The following EVA1A variants were observed in gnomAD, a reference collection of about 807,000 sequenced individuals.
EVA1A encodes protein eva-1 homolog A.
A neutral mutation model predicts 9.8 loss-of-function variants in EVA1A; 7 were observed. The ratio of observed to expected loss-of-function variants is 0.71; its 90% confidence interval spans 0.41 to 1.34. EVA1A has a LOEUF of 1.34. Ranked by LOEUF, EVA1A falls within the 40% of genes most tolerant of loss-of-function variation. The pLI is 0.01. For missense variants in EVA1A, 206 were observed against 205.9 expected, an observed-to-expected ratio of 1.00 and a Z score of 0.00; for synonymous variants, 90 against 85.6, an observed-to-expected ratio of 1.05 and a Z score of -0.28.
At chr2:75,554,174 C>T (rs1676621278) in intron 1 of EVA1A, among the ~76,000 whole-genome samples, 1 of 152,144 alleles carries the variant, frequency 6.6e-6, no homozygotes, top group African/African-American at 2.4e-5. Flanking sequence ...ACCACCAGCC[C>T]CATCTGAATG....
intron 3 of EVA1A, among the ~76,000 whole-genome samples, chr2:75,516,444 T>A (rs1052025342): frequency 1.3e-5 from 2 of 152,134 alleles, no homozygotes; most frequent in Non-Finnish European, 2.9e-5. Flanking sequence ...TCCCAAGTAG[T>A]ATTTAATTCA....
At chr2:75,534,913 T>C (rs570827530) in intron 1 of EVA1A, among the ~76,000 whole-genome samples, 1 of 152,322 alleles carries the variant, frequency 6.6e-6, no homozygotes, top group Non-Finnish European at 1.5e-5. Context: ...CCATCTTGAC[T>C]TAATTTTTGT....
chr2:75,493,679 T>A, intron 3 of EVA1A, 70 bp from the exon 4 acceptor site: 1 of 1,430,280 alleles, frequency 7.0e-7, no homozygotes, highest in Non-Finnish European at 9.3e-7. Flanking sequence ...CCAATATGAC[T>A]CCAGCCTACA....
intron 1 of EVA1A, among the ~76,000 whole-genome samples, chr2:75,549,804 C>T (rs959351175): frequency 2.0e-5 from 3 of 152,172 alleles, no homozygotes; most frequent in Non-Finnish European, 4.4e-5. Flanking sequence ...TGGGAGAGCC[C>T]TTTCCATAAA....
rs1386985837 is a variant in EVA1A at position 75,493,497 on chromosome 2, A to G, written c.198T>C (p.Arg66=). 5.6e-6 allele frequency: 9 copies of G among 1,614,100 alleles called. No homozygotes were observed. Among genetic ancestry groups the G allele is most frequent in the Non-Finnish European group, 7.6e-6 (9 of 1,180,018 alleles). ...RISCHTDCRR[R]PGKKFLQDRE... ...TGTCCTGCAGGAACTTCTTCCCGGG[A>G]CGCCGCCTGCAGTCTGTGTGGCAAG... The change falls in exon 4 of 4, where the codon CGT becomes CGC. Residue 66 remains arginine (R), a synonymous_variant. Transcript: ENST00000393913.
At chr2:75,562,333 GT>G (rs1223427582), upstream of EVA1A, among the ~76,000 whole-genome samples, 2 of 151,908 alleles carry the variant, frequency 1.3e-5, no homozygotes, top group Non-Finnish European at 2.9e-5. Flanking sequence ...TCCCACATCA[GT>G]TTTTTTTCAG....
At position 75,492,916 on chromosome 2, in the gene EVA1A, A is replaced by G. The variant is rs757978595; in HGVS notation, c.*320T>C. On this transcript the variant is annotated 3_prime_UTR_variant, in exon 4 of 4. Coordinates refer to ENST00000393913, the MANE Select transcript of EVA1A (RefSeq NM_001135032.2). Reference sequence around the variant, plus strand: ...GCAAAGGAATAACACAGAGCAAGGAAGTCTGCTGAAACTTCTGAGATCCTC... The same window carrying G: ...GCAAAGGAATAACACAGAGCAAGGAGGTCTGCTGAAACTTCTGAGATCCTC... 78 of 341,886 alleles carry G rather than the reference A, an allele frequency of 2.3e-4. No homozygotes were observed. Among genetic ancestry groups the G allele is most frequent in the Non-Finnish European group, 3.8e-4 (72 of 187,552 alleles). The allele number at this position is 341,886 out of a possible 1,614,324, so 21.2% of individuals were successfully genotyped here.
intron 3 of EVA1A, among the ~76,000 whole-genome samples, chr2:75,508,182 T>A (rs535207951): frequency 2.6e-5 from 4 of 152,274 alleles, no homozygotes; most frequent in Non-Finnish European, 5.9e-5. Flanking sequence ...AGCATGTGTG[T>A]TTGAGCAATA....
At chr2:75,526,681 A>C (rs549794427) in intron 1 of EVA1A, among the ~76,000 whole-genome samples, 2 of 152,380 alleles carry the variant, frequency 1.3e-5, no homozygotes, top group South Asian at 4.1e-4. Flanking sequence ...GCTAAAGTAC[A>C]CGACACATCT....
intron 1 of EVA1A, among the ~76,000 whole-genome samples, chr2:75,548,858 C>A (rs770301244): frequency 3.0e-4 from 45 of 152,020 alleles, no homozygotes; most frequent in Non-Finnish European, 4.9e-4. Context: ...CCCGTAATAA[C>A]TGTGAGCCCC....
In EVA1A at chr2:75,529,442, A is replaced by G. The variant is rs182902368; in HGVS notation, c.-191-6955T>C. On this transcript the variant is annotated intron_variant, in intron 1 of 3. Coordinates refer to ENST00000393913, the MANE Select transcript of EVA1A (RefSeq NM_001135032.2). ...ATATTCTGCCCAACAACAACAGAATATACATTCTATTCATCAGCACACAGA... is the reference window on the plus strand; with the variant it reads ...ATATTCTGCCCAACAACAACAGAATGTACATTCTATTCATCAGCACACAGA... Among the ~76,000 whole-genome samples the G allele has an allele frequency of 5.2e-3, 788 of 152,356 alleles. 6 individuals carry two copies. The highest frequency in any genetic ancestry group is 0.01 in the Middle Eastern group (3 of 294).
chr2:75,559,911 C>A (rs1297128375), intron 1 of EVA1A, among the ~76,000 whole-genome samples: 1 of 152,078 alleles, frequency 6.6e-6, no homozygotes, highest in Non-Finnish European at 1.5e-5. Flanking sequence ...GTTATGAGAA[C>A]TCAGGCAGTT....
At chr2:75,566,997 C>A (rs1677041127) in intron 1 of EVA1A, among the ~76,000 whole-genome samples, 1 of 152,042 alleles carries the variant, frequency 6.6e-6, no homozygotes, top group Non-Finnish European at 1.5e-5. Flanking sequence ...CAACAGGAAG[C>A]CACTGTAAAA....
intron 2 of EVA1A, among the ~76,000 whole-genome samples, chr2:75,520,162 T>G (rs543600797): frequency 5.3e-5 from 8 of 152,314 alleles, no homozygotes; most frequent in Admixed American, 4.6e-4. Flanking sequence ...TAGATTACTT[T>G]TAGTTCCCCC....
At chr2:75,537,645 T>A (rs1210697081) in intron 1 of EVA1A, among the ~76,000 whole-genome samples, 1 of 152,206 alleles carries the variant, frequency 6.6e-6, no homozygotes. Context: ...TTCTCCAATG[T>A]TGCAGGTGGG....
At chr2:75,524,611 G>T (rs1675353944) in intron 1 of EVA1A, among the ~76,000 whole-genome samples, 1 of 152,156 alleles carries the variant, frequency 6.6e-6, no homozygotes, top group African/African-American at 2.4e-5. Context: ...TGCTAGGAAA[G>T]CTTACATGTA....
At chr2:75,520,452 C>A (rs1471378852) in intron 2 of EVA1A, among the ~76,000 whole-genome samples, 1 of 152,116 alleles carries the variant, frequency 6.6e-6, no homozygotes, top group Non-Finnish European at 1.5e-5. Context: ...TATTATAAAT[C>A]TATAGTAATC....
intron 1 of EVA1A, among the ~76,000 whole-genome samples, chr2:75,532,485 A>G (rs2103898803): frequency 6.6e-6 from 1 of 152,328 alleles, no homozygotes; most frequent in Middle Eastern, 3.4e-3. Flanking sequence ...TAAAAAGCTC[A>G]AAATAAACAG....
chr2:75,517,578 C>T (rs910286149), intron 3 of EVA1A, among the ~76,000 whole-genome samples: 7 of 152,178 alleles, frequency 4.6e-5, no homozygotes, highest in African/African-American at 1.4e-4. Context: ...ACTCCGCATG[C>T]CTTCTGTCTT....
Sources: allele counts gnomAD v4.1 joint callset (sites outside exome capture counted in the v4.1 genomes callset), GRCh38; gene constraint gnomAD v4.1.1; transcripts MANE v1.5; gene names NCBI Gene and HGNC (gene_info 2026-07-23, HGNC 2026-07-21).